RAPGEF6: variants seen among roughly 807,000 people sequenced by gnomAD.
The protein encoded by RAPGEF6 is PDZ domain containing guanine nucleotide exchange factor (GEF) 2.
A neutral mutation model predicts 171.4 loss-of-function variants in RAPGEF6; 56 were observed. The observed-to-expected ratio is 0.33, with a 90% CI of 0.26 to 0.41. The LOEUF is 0.41. Among genes scored for constraint, RAPGEF6 ranks in the 10% least tolerant of loss-of-function variants. RAPGEF6 has a pLI of 1.00. For missense variants in RAPGEF6, 1,674 were observed against 1,921.4 expected (o/e 0.87, Z 2.41); for synonymous variants, 692 against 650.1 (o/e 1.06, Z -0.98).
chr5:131,505,526 T>A lies in RAPGEF6; in HGVS notation c.943-4A>T. 1 of 1,608,322 alleles carries A rather than the reference T, an allele frequency of 6.2e-7. No homozygotes were observed. The highest frequency in any genetic ancestry group is 8.5e-7 in the Non-Finnish European group (1 of 1,177,602). On this transcript the variant is annotated splice_polypyrimidine_tract_variant and splice_region_variant and intron_variant, in intron 9 of 27. Transcript: ENST00000509018. ...AAATAACATACCATGAGTCAAGCTA[T>A]AGAGAAAAACAAAGGTTTTATGAAT... is the stretch of plus-strand genomic sequence containing the variant.
intron 22 of RAPGEF6, 64 bp from the exon 23 acceptor site, chr5:131,442,601 A>G: frequency 1.9e-6 from 3 of 1,570,642 alleles, no homozygotes; most frequent in South Asian, 2.4e-5. Context: ...ACCACTGGCA[A>G]TAATAAATGG....
chr5:131,552,311 T>G (rs1435877918), intron 5 of RAPGEF6, among the ~76,000 whole-genome samples: 2 of 152,030 alleles, frequency 1.3e-5, no homozygotes, highest in East Asian at 3.9e-4. Context: ...TGCCTTCCCC[T>G]GAGAATTCAA....
At chr5:131,539,757 T>C (rs1760013462) in intron 6 of RAPGEF6, among the ~76,000 whole-genome samples, 1 of 152,178 alleles carries the variant, frequency 6.6e-6, no homozygotes, top group Non-Finnish European at 1.5e-5. Flanking sequence ...ATTAACTCTC[T>C]AATATGCTCT....
chr5:131,617,292 C>CCACA (rs200602681), intron 1 of RAPGEF6, among the ~76,000 whole-genome samples: 1 of 89,380 alleles, frequency 1.1e-5, no homozygotes, highest in East Asian at 2.6e-4. Flanking sequence ...AAAAACAGCA[C>CCACA]CACACACACA....
At position 131,424,149 on chromosome 5, in the gene RAPGEF6, A is replaced by C. The variant is rs1399867075; in HGVS notation, c.*3117T>G. On this transcript the variant is annotated 3_prime_UTR_variant, in exon 28 of 28. Coordinates refer to ENST00000509018, the MANE Select transcript of RAPGEF6 (RefSeq NM_016340.6). ...ATACCTTACAATCAATGAATTGTGC[A>C]GTAGAATTGCTATCTGATTATTACA... 1 of 152,374 alleles carries C rather than the reference A, an allele frequency of 6.6e-6. No homozygotes were observed. Among genetic ancestry groups the C allele is most frequent in the Non-Finnish European group, 1.5e-5 (1 of 68,028 alleles). 9.4% of individuals were successfully genotyped at this position (152,374 alleles called of 1,614,324 possible). A position where few individuals can be genotyped will look rare whatever the true frequency, so the allele number is the denominator to read the frequency against.
chr5:131,487,896 C>T (rs112363769), intron 15 of RAPGEF6, among the ~76,000 whole-genome samples: 1,729 of 152,218 alleles, frequency 0.011, 19 homozygotes, highest in Admixed American at 0.02. Context: ...TAAAATGCTC[C>T]ATTTCTACAA....
At chr5:131,529,901 C>CTTTTTT (rs1162181624) in intron 6 of RAPGEF6, among the ~76,000 whole-genome samples, 5 of 119,776 alleles carry the variant, frequency 4.2e-5, no homozygotes, top group African/African-American at 1.3e-4. Flanking sequence ...TTGTCTCCCT[C>CTTTTTT]TTTTTTTTTT....
At chr5:131,554,652 T>C (rs1382151898) in intron 5 of RAPGEF6, among the ~76,000 whole-genome samples, 2 of 152,108 alleles carry the variant, frequency 1.3e-5, no homozygotes, top group Non-Finnish European at 2.9e-5. Flanking sequence ...CCCAAGTAGC[T>C]GGGATTAGAG....
chr5:131,540,395 T>C lies in RAPGEF6; in HGVS notation c.495+7652A>G, dbSNP rs540236338. On this transcript the variant is annotated intron_variant, in intron 6 of 27. Transcript: ENST00000509018. ...TAGCCTGGGAAACAGCAAGACACTG[T>C]CTCTACAAAAAATAAAAATACTTAG... Among the ~76,000 whole-genome samples, 18 of 152,214 alleles carry C rather than the reference T, an allele frequency of 1.2e-4. No homozygotes were observed. The South Asian group carries it at 3.7e-3, about 32-fold the overall frequency.
At chr5:131,428,035 TGAGGCTGCAGTGAGCCAC>T (rs1214915422) in intron 27 of RAPGEF6, among the ~76,000 whole-genome samples, 2 of 151,872 alleles carry the variant, frequency 1.3e-5, no homozygotes, top group Non-Finnish European at 2.9e-5. Context: ...ACCAGGAAGT[TGAGGCTGCAGTGAGCCAC>T]GATCATGCCA....
At chr5:131,432,330 A>C (rs1222530222) in intron 25 of RAPGEF6, among the ~76,000 whole-genome samples, 5 of 152,090 alleles carry the variant, frequency 3.3e-5, no homozygotes, top group African/African-American at 4.8e-5. Flanking sequence ...TTTGTAAATA[A>C]AGTTTTGGCT....
chr5:131,579,428 GGTCCATTTTACAGAGAGCTGATTA>G (rs1468068002), intron 4 of RAPGEF6, among the ~76,000 whole-genome samples: 3 of 152,184 alleles, frequency 2.0e-5, no homozygotes, highest in Admixed American at 6.5e-5. Flanking sequence ...CCTGCTGATT[GGTCCATTTTACAGAGAGCTGATTA>G]GTCCATTTTA....
At chr5:131,552,796 T>C (rs1761002677) in intron 5 of RAPGEF6, among the ~76,000 whole-genome samples, 1 of 152,006 alleles carries the variant, frequency 6.6e-6, no homozygotes, top group African/African-American at 2.4e-5. Flanking sequence ...CCTCAAAGTA[T>C]TACTGTACCT....
At chr5:131,550,045 T>C (rs959463932) in intron 5 of RAPGEF6, among the ~76,000 whole-genome samples, 4 of 152,136 alleles carry the variant, frequency 2.6e-5, no homozygotes, top group African/African-American at 7.2e-5. Flanking sequence ...TCAGCACCCC[T>C]GCTTGTCTTC....
intron 4 of RAPGEF6, among the ~76,000 whole-genome samples, chr5:131,575,448 G>A (rs183550984): frequency 5.3e-5 from 8 of 152,174 alleles, no homozygotes; most frequent in East Asian, 1.9e-4. Flanking sequence ...TTCCCCATCC[G>A]TTACCGATCT....
intron 16 of RAPGEF6, among the ~76,000 whole-genome samples, chr5:131,478,292 T>C (rs772778394): frequency 6.6e-6 from 1 of 152,058 alleles, no homozygotes; most frequent in Admixed American, 6.6e-5. Flanking sequence ...AAGATGAGAG[T>C]TGACACAATT....
intron 27 of RAPGEF6, 134 bp from the exon 28 acceptor site, chr5:131,427,425 TATA>T (rs960935954): frequency 2.2e-5 from 15 of 696,578 alleles, no homozygotes; most frequent in Non-Finnish European, 3.6e-5. Context: ...CAGATTTTAT[TATA>T]ATAATACCTA....
intron 6 of RAPGEF6, among the ~76,000 whole-genome samples, chr5:131,533,739 G>C (rs1214164033): frequency 6.6e-6 from 1 of 151,874 alleles, no homozygotes; most frequent in African/African-American, 2.4e-5. Flanking sequence ...ACACAACATG[G>C]TACTTTCCTG....
intron 4 of RAPGEF6, among the ~76,000 whole-genome samples, chr5:131,573,429 T>A (rs999129912): frequency 2.0e-5 from 3 of 151,992 alleles, no homozygotes; most frequent in African/African-American, 7.3e-5. Flanking sequence ...AATTCCAATA[T>A]CTAACTCAGT....
Sources: allele counts gnomAD v4.1 joint callset (sites outside exome capture counted in the v4.1 genomes callset), GRCh38; gene constraint gnomAD v4.1.1; transcripts MANE v1.5; gene names NCBI Gene and HGNC (gene_info 2026-07-23, HGNC 2026-07-21).